Variants in PCDHGA2 observed in about 807,000 individuals in gnomAD.
PCDHGA2 encodes the protein protocadherin gamma-A2.
Under a neutral mutation model 59.2 loss-of-function variants are expected in PCDHGA2, and 40 were observed. That is an observed-to-expected ratio of 0.68 (90% CI 0.52 to 0.88). The LOEUF (loss-of-function observed/expected upper bound fraction) is 0.88, where lower values mean the gene tolerates loss of function less well. Ranked by LOEUF, PCDHGA2 falls within the 40% of genes least tolerant of loss-of-function variation. The pLI is 0.00. For synonymous variants in PCDHGA2, 560 were observed against 526.0 expected (o/e 1.06, Z -0.89); for missense variants, 1,226 against 1,204.0 (o/e 1.02, Z -0.27).
At chr5:141,351,755 T>A in intron 1 of PCDHGA2, 1 of 1,613,598 alleles carries the variant, frequency 6.2e-7, no homozygotes. Context: ...GGAGCTGTTG[T>A]CCTACGTGTC....
intron 1 of PCDHGA2, chr5:141,351,950 G>C (rs1343539435): frequency 6.2e-7 from 1 of 1,613,000 alleles, no homozygotes; most frequent in Non-Finnish European, 8.5e-7. Flanking sequence ...CCCCGCGCTG[G>C]GGCCTGATGG....
chr5:141,394,228 T>C lies in PCDHGA2; in HGVS notation c.2424+52833T>C, dbSNP rs1236057008. On this transcript the variant is annotated intron_variant, in intron 1 of 3. Transcript: ENST00000394576. ...AACAACCTGAGAGGAGCCTCCATCT[T>C]TTCCTTGACTGCACACGACCCCGAC... is the stretch of plus-strand genomic sequence containing the variant. 3.7e-6 allele frequency: 6 copies of C among 1,613,886 alleles called. No individual in the cohort carries two copies. The South Asian group carries it at 4.4e-5, about 12-fold the overall frequency.
At chr5:141,357,472 T>C in intron 1 of PCDHGA2, 1 of 1,614,168 alleles carries the variant, frequency 6.2e-7, no homozygotes, top group Non-Finnish European at 8.5e-7. Context: ...CCACGAGGTC[T>C]CCCTCACCGC....
intron 1 of PCDHGA2, among the ~76,000 whole-genome samples, chr5:141,407,122 G>A (rs987492570): frequency 3.9e-5 from 6 of 152,094 alleles, no homozygotes; most frequent in African/African-American, 1.4e-4. Context: ...GGTTTCAGTT[G>A]CTTTATTTTT....
chr5:141,372,444 C>A (rs756100994), intron 1 of PCDHGA2: 1 of 1,614,058 alleles, frequency 6.2e-7, no homozygotes, highest in Non-Finnish European at 8.5e-7. Flanking sequence ...TCCCTCTGAC[C>A]CTCAGGCGGA....
intron 1 of PCDHGA2, chr5:141,352,206 C>A: frequency 6.8e-6 from 11 of 1,614,052 alleles, no homozygotes; most frequent in Non-Finnish European, 9.3e-6. Context: ...GGACAGCCGC[C>A]ACTCTCCGCC....
intron 1 of PCDHGA2, chr5:141,352,807 T>C (rs1759114725): frequency 1.2e-6 from 1 of 866,934 alleles, no homozygotes; most frequent in Non-Finnish European, 1.7e-6. Context: ...ATAGCCAAGA[T>C]GGTAAAACCC....
intron 1 of PCDHGA2, chr5:141,360,648 C>T (rs1346761280): frequency 1.9e-5 from 31 of 1,613,888 alleles, no homozygotes; most frequent in African/African-American, 5.3e-5. Flanking sequence ...AAAGATACCA[C>T]CTTAATGACA....
Position 141,486,998 on chromosome 5 carries a change from C to G in PCDHGA2, c.2425-7809C>G, listed in dbSNP as rs754609128. On this transcript the variant is annotated intron_variant, in intron 1 of 3. Coordinates refer to ENST00000394576, the MANE Select transcript of PCDHGA2 (RefSeq NM_018915.4). The surrounding 1 kb of genome is among the most constrained non-coding windows in gnomAD (Gnocchi z 5.0). ...AGGTTACAATGCTTGGGTTTCCTAT[C>G]AGCTCCTGGAGGCCCCAGATCCCAG... The G allele has an allele frequency of 6.2e-7, 1 of 1,614,206 alleles. No homozygotes were observed. Among genetic ancestry groups the G allele is most frequent in the Non-Finnish European group, 8.5e-7 (1 of 1,180,034 alleles).
chr5:141,408,377 C>T (rs1322642798), intron 1 of PCDHGA2: 4 of 1,613,902 alleles, frequency 2.5e-6, no homozygotes, highest in Non-Finnish European at 3.4e-6. Context: ...GCTCAGTGTC[C>T]TGGATGTGTC....
intron 1 of PCDHGA2, chr5:141,355,041 G>A: frequency 9.1e-7 from 1 of 1,094,768 alleles, no homozygotes; most frequent in Admixed American, 3.2e-5. Context: ...GATTTCTGCA[G>A]CACAAAGCAC....
intron 1 of PCDHGA2, chr5:141,367,550 A>G (rs1175720075): frequency 2.0e-5 from 3 of 147,536 alleles, no homozygotes; most frequent in Non-Finnish European, 4.6e-5. Flanking sequence ...ATAAATAAAT[A>G]AATAAATAAA....
chr5:141,351,886 G>A (rs377208230), intron 1 of PCDHGA2: 35 of 1,613,292 alleles, frequency 2.2e-5, no homozygotes, highest in Admixed American at 3.3e-5. Context: ...GCGCCAACGT[G>A]AGCCTGCGCG....
At chr5:141,387,782 A>C in intron 1 of PCDHGA2, 2 of 1,466,298 alleles carry the variant, frequency 1.4e-6, no homozygotes, top group Non-Finnish European at 1.8e-6. Context: ...TTGAACTGGA[A>C]CTGCAACTAA....
At chr5:141,403,056 T>A in intron 1 of PCDHGA2, 1 of 1,614,046 alleles carries the variant, frequency 6.2e-7, no homozygotes, top group Non-Finnish European at 8.5e-7. Flanking sequence ...CGCTACTCAG[T>A]GCCTGAAGAG....
intron 1 of PCDHGA2, among the ~76,000 whole-genome samples, chr5:141,453,217 G>A (rs770914741): frequency 1.2e-4 from 19 of 152,100 alleles, no homozygotes; most frequent in Admixed American, 1.0e-3. Context: ...GCACTTAAGC[G>A]ATCCTCCCAC....
intron 1 of PCDHGA2, chr5:141,343,946 A>G: frequency 2.3e-6 from 3 of 1,284,242 alleles, no homozygotes; most frequent in African/African-American, 1.5e-5. Context: ...TAGGCCCGTA[A>G]AAGACTTCGT....
At chr5:141,483,584 T>C (rs2099583159) in intron 1 of PCDHGA2, among the ~76,000 whole-genome samples, 1 of 152,064 alleles carries the variant, frequency 6.6e-6, no homozygotes, top group African/African-American at 2.4e-5. Context: ...CATAAACACC[T>C]AATAGGTCAG....
chr5:141,384,810 C>A (rs755407612), intron 1 of PCDHGA2: 3 of 1,613,422 alleles, frequency 1.9e-6, no homozygotes, highest in Middle Eastern at 1.7e-4. Flanking sequence ...ACAGAGATGC[C>A]CTCAAGCAGA....
Sources: allele counts gnomAD v4.1 joint callset (sites outside exome capture counted in the v4.1 genomes callset), GRCh38; gene constraint gnomAD v4.1.1; non-coding constraint Gnocchi (gnomAD v3.1); transcripts MANE v1.5; gene names NCBI Gene and HGNC (gene_info 2026-07-23, HGNC 2026-07-21).